CLASP2: variants seen among roughly 807,000 people sequenced by gnomAD.
CLASP2 encodes the protein CLIP-associating protein 2.
Under a neutral mutation model 194.4 loss-of-function variants are expected in CLASP2, and 47 were observed. The observed-to-expected ratio is 0.24, with a 90% confidence interval of 0.19 to 0.31. CLASP2 has a LOEUF of 0.31. CLASP2 is among the 10% of genes least tolerant of loss of function. The pLI, the probability that CLASP2 is intolerant of heterozygous loss-of-function variation, is 1.00. For synonymous variants in CLASP2, 619 were observed against 633.5 expected (o/e 0.98, Z 0.34); for missense variants, 1,445 against 1,823.6 (o/e 0.79, Z 3.78).
chr3:33,708,490 GTATATATA>G (rs149383675), intron 1 of CLASP2, among the ~76,000 whole-genome samples: 1 of 128,272 alleles, frequency 7.8e-6, no homozygotes, highest in East Asian at 2.4e-4. Context: ...GTGTGTGTAT[GTATATATA>G]TATATATGTA....
rs534510361 is a variant in CLASP2, at chr3:33,498,550, G to C, written c.*81C>G. On this transcript the variant is annotated 3_prime_UTR_variant, in exon 39 of 39. Coordinates refer to ENST00000682230, the MANE Select transcript of CLASP2 (RefSeq NM_001365631.1). Reference sequence around the variant, plus strand: ...AACAATAGTAAGTTCCAAAGGATGTGTTTGAGAACTTCCTTTCATTGATGA... The same window carrying C: ...AACAATAGTAAGTTCCAAAGGATGTCTTTGAGAACTTCCTTTCATTGATGA... 6 of 878,196 alleles carry C rather than the reference G, an allele frequency of 6.8e-6. No individual in the cohort carries two copies. The East Asian group carries it at 1.0e-4, about 15-fold the overall frequency. 54.4% of individuals were successfully genotyped at this position (878,196 alleles called of 1,614,324 possible). A position where few individuals can be genotyped will look rare whatever the true frequency, so the allele number is the denominator to read the frequency against.
Position 33,550,037 on chromosome 3 carries a change from G to A in CLASP2, c.3153+1215C>T, listed in dbSNP as rs758979084. On this transcript the variant is annotated intron_variant, in intron 30 of 38. Coordinates refer to ENST00000682230, the MANE Select transcript of CLASP2 (RefSeq NM_001365631.1). ...GCGTGAGCCACTGCGTCCGGCCTAT[G>A]TGTACTCCTTTTGCAGCAAATGTTG... 2.0e-5 allele frequency among the ~76,000 whole-genome samples: 3 copies of A among 152,054 alleles called. No homozygotes were observed. The East Asian group carries it at 5.8e-4, about 29-fold the overall frequency.
intron 6 of CLASP2, among the ~76,000 whole-genome samples, chr3:33,670,349 A>G (rs1394147384): frequency 2.6e-5 from 4 of 152,194 alleles, no homozygotes; most frequent in African/African-American, 9.6e-5. Flanking sequence ...ACATGCATGC[A>G]TTCACTTTGC....
chr3:33,536,135 A>G (rs1576060969), intron 33 of CLASP2, among the ~76,000 whole-genome samples: 1 of 152,130 alleles, frequency 6.6e-6, no homozygotes, highest in African/African-American at 2.4e-5. Context: ...TATTCTTAAA[A>G]TATTTACTAT....
At chr3:33,630,030 G>A (rs970061345) in intron 9 of CLASP2, among the ~76,000 whole-genome samples, 1 of 152,052 alleles carries the variant, frequency 6.6e-6, no homozygotes, top group African/African-American at 2.4e-5. Flanking sequence ...ATCCTAGTCA[G>A]TAATGAGATA....
chr3:33,630,801 A>G (rs1038887581), intron 9 of CLASP2, among the ~76,000 whole-genome samples: 6 of 152,228 alleles, frequency 3.9e-5, no homozygotes, highest in Admixed American at 6.6e-5. Context: ...TGCCCATACC[A>G]TGATGTTACC....
intron 12 of CLASP2, among the ~76,000 whole-genome samples, chr3:33,615,249 C>T (rs1362125358): frequency 1.3e-5 from 2 of 150,944 alleles, no homozygotes; most frequent in Admixed American, 1.3e-4. Context: ...ATGAAAATAT[C>T]TTTGTTAAAT....
rs754654691 is a variant in CLASP2 at position 33,538,807 on chromosome 3, T to C, written c.3540A>G (p.Lys1180=). ...TACTTACTGAATCGCCATCATCTTT[T>C]TTAGAATCCCTTTTCAATGGCTCAT... ...DMNEPLKRDS[K]KDDGDSMCGG... is the part of the protein sequence containing the mutation. The change falls in exon 33 of 39, where the codon AAA becomes AAG. Residue 1180 remains lysine, a synonymous_variant. Transcript: ENST00000682230. 1.4e-4 allele frequency: 220 copies of C among 1,587,840 alleles called. No homozygotes were observed. Among genetic ancestry groups the C allele is most frequent in the Non-Finnish European group, 1.7e-4 (200 of 1,169,764 alleles).
intron 5 of CLASP2, among the ~76,000 whole-genome samples, chr3:33,685,115 C>T (rs973553315): frequency 6.6e-6 from 1 of 151,144 alleles, no homozygotes; most frequent in Non-Finnish European, 1.5e-5. Flanking sequence ...CCAAGGCTGG[C>T]GGTTCACCTG....
intron 21 of CLASP2, among the ~76,000 whole-genome samples, chr3:33,589,702 A>C (rs553088534): frequency 6.6e-6 from 1 of 152,242 alleles, no homozygotes; most frequent in South Asian, 2.1e-4. Flanking sequence ...GATGTGGAGG[A>C]TTATGGAATG....
intron 13 of CLASP2, among the ~76,000 whole-genome samples, chr3:33,609,395 T>C (rs1428813739): frequency 6.6e-6 from 1 of 152,222 alleles, no homozygotes; most frequent in Non-Finnish European, 1.5e-5. Context: ...GCCACAACAA[T>C]CTGGATCTTT....
intron 18 of CLASP2, among the ~76,000 whole-genome samples, chr3:33,601,195 C>T (rs947351797): frequency 7.9e-5 from 12 of 152,064 alleles, no homozygotes; most frequent in East Asian, 5.8e-4. Context: ...CTCCTGACTT[C>T]GTGATCCACC....
chr3:33,708,471 GGTGTGT>G (rs1016631656), intron 1 of CLASP2, among the ~76,000 whole-genome samples: 1 of 91,088 alleles, frequency 1.1e-5, no homozygotes, highest in Non-Finnish European at 2.2e-5. Context: ...TGTGTGTGTG[GGTGTGT>G]GTGTGTGTGT....
At position 33,643,152 on chromosome 3, in the gene CLASP2, ATAGG is replaced by A. The variant is rs2081624065; in HGVS notation, c.862+1601_862+1604del. Among the ~76,000 whole-genome samples, 4 of 152,092 alleles carry A rather than the reference ATAGG, an allele frequency of 2.6e-5. No individual in the cohort carries two copies. In the South Asian group the frequency reaches 6.2e-4, roughly 24 times the overall value. On this transcript the variant is annotated intron_variant, in intron 8 of 38. Transcript: ENST00000682230. ...TATCAATATGATTAATATCAGAATG[ATAGG>A]TAAATTTCAATTTTCTTCTAAAAAG...
chr3:33,553,685 A>C (rs1012136698), intron 29 of CLASP2, among the ~76,000 whole-genome samples: 1 of 152,232 alleles, frequency 6.6e-6, no homozygotes, highest in East Asian at 1.9e-4. Flanking sequence ...AATGACTGTT[A>C]TCAAAAAGAT....
intron 26 of CLASP2, among the ~76,000 whole-genome samples, chr3:33,568,569 A>C (rs1296400521): frequency 6.7e-6 from 1 of 149,848 alleles, no homozygotes; most frequent in African/African-American, 2.5e-5. Context: ...AAAAAAAAAA[A>C]AAAAAATTAC....
At chr3:33,598,863 C>T (rs770613340) in intron 18 of CLASP2, among the ~76,000 whole-genome samples, 2 of 152,108 alleles carry the variant, frequency 1.3e-5, no homozygotes, top group Admixed American at 6.5e-5. Flanking sequence ...GTTACCTTAA[C>T]TTAAATTCCT....
Position 33,570,753 on chromosome 3 carries a change from T to C in CLASP2, c.2737A>G (p.Arg913Gly). Reference protein sequence around the residue: ...ELKRLCEIFTRMFADPHGKRV... With the variant: ...ELKRLCEIFTGMFADPHGKRV... The stretch of plus-strand genomic sequence containing the variant: ...TTGCCATGAGGGTCAGCAAACATTC[T>C]TGTGAAAATTTCACATAATCTTTTC... The change falls in exon 26 of 39, where the codon AGA (arginine) becomes GGA (glycine). Residue 913 changes from arginine to glycine, a missense_variant. This residue lies in a region of CLASP2 where 732 missense variants were observed against 987.9 expected (regional missense o/e 0.74). Coordinates refer to ENST00000682230, the MANE Select transcript of CLASP2 (RefSeq NM_001365631.1). 1 of 1,592,020 alleles carries C rather than the reference T, an allele frequency of 6.3e-7. No homozygotes were observed. Among genetic ancestry groups the C allele is most frequent in the Non-Finnish European group, 8.6e-7 (1 of 1,168,626 alleles).
Position 33,680,418 on chromosome 3 carries a change from T to C in CLASP2, c.644+3941A>G, listed in dbSNP as rs571690077. On this transcript the variant is annotated intron_variant, in intron 6 of 38. Transcript: ENST00000682230. ...ACAAATGTACCACTCTGTTGAGGAA[T>C]ATTGATAATGGGAGAGGCTAGGCAT... 3.9e-5 allele frequency among the ~76,000 whole-genome samples: 6 copies of C among 152,190 alleles called. No homozygotes were observed. In the South Asian group the frequency reaches 1.2e-3, roughly 31 times the overall value.
Sources: allele counts gnomAD v4.1 joint callset (sites outside exome capture counted in the v4.1 genomes callset), GRCh38; gene constraint gnomAD v4.1.1; regional missense constraint gnomAD v4.1.1; transcripts MANE v1.5; gene names NCBI Gene and HGNC (gene_info 2026-07-23, HGNC 2026-07-21).